TRIB3: variants seen among roughly 807,000 people sequenced by gnomAD.
TRIB3 encodes tribbles homolog 3.
TRIB3 carries 20 observed loss-of-function variants against 16.6 expected under a neutral mutation model. That is an observed-to-expected ratio of 1.20 (90% CI 0.85 to 1.75). The LOEUF (loss-of-function observed/expected upper bound fraction) is 1.75, where lower values mean the gene tolerates loss of function less well. Among genes scored for constraint, TRIB3 ranks in the 40% most tolerant of loss-of-function variants. The pLI is 0.00. For synonymous variants in TRIB3, 208 were observed against 217.0 expected (o/e 0.96, Z 0.36); for missense variants, 484 against 488.9 (o/e 0.99, Z 0.10).
At chr20:385,108 T>TTTTA (rs775274047) in intron 1 of TRIB3, among the ~76,000 whole-genome samples, 260 of 152,204 alleles carry the variant, frequency 1.7e-3, no homozygotes, top group African/African-American at 2.6e-3. Flanking sequence ...CTCACCTTAT[T>TTTTA]TTTATTTATT....
chr20:392,799 C>T (rs1232934571), intron 3 of TRIB3, among the ~76,000 whole-genome samples: 3 of 152,006 alleles, frequency 2.0e-5, no homozygotes, highest in African/African-American at 7.2e-5. Context: ...CTTAGGTGAT[C>T]CGCCTGCCTC....
chr20:386,205 G>A (rs190177645), intron 1 of TRIB3, among the ~76,000 whole-genome samples: 1 of 152,036 alleles, frequency 6.6e-6, no homozygotes, highest in Non-Finnish European at 1.5e-5. Context: ...CAAATTGACT[G>A]GAAGATCCTG....
chr20:394,539 C>A (rs1156260679), intron 3 of TRIB3, among the ~76,000 whole-genome samples: 2 of 152,116 alleles, frequency 1.3e-5, no homozygotes, highest in Non-Finnish European at 2.9e-5. Flanking sequence ...TATCCCAGTG[C>A]TTCGGGAAGC....
At chr20:392,975 C>T (rs972141724) in intron 3 of TRIB3, among the ~76,000 whole-genome samples, 1 of 152,210 alleles carries the variant, frequency 6.6e-6, no homozygotes, top group Non-Finnish European at 1.5e-5. Context: ...GTGCACTAAG[C>T]TGCCAGTTAC....
intron 2 of TRIB3, among the ~76,000 whole-genome samples, chr20:389,477 G>A (rs1334379992): frequency 3.9e-5 from 6 of 152,154 alleles, no homozygotes; most frequent in African/African-American, 1.2e-4. Flanking sequence ...CCTCCTCCTG[G>A]GGCAGCAGCA....
Position 391,554 on chromosome 20 carries a change from C to T in TRIB3, c.559C>T (p.Arg187Cys), listed in dbSNP as rs931185651. The T allele has an allele frequency of 1.9e-6, 3 of 1,611,468 alleles. No individual in the cohort carries two copies. The highest frequency in any genetic ancestry group is 1.7e-6 in the Non-Finnish European group (2 of 1,178,608). The change falls in exon 3 of 4, where the codon CGC becomes TGC. Residue 187 changes from arginine (R) to cysteine (C), a missense_variant. By Grantham distance (180) the Arg-to-Cys change is radical. Transcript: ENST00000217233. ...GGTCCTGCGTGATCTCAAGCTGTGT[C>T]GCTTTGTCTTCGCTGACCGTGAGAG... ...GLVLRDLKLC[R>C]FVFADRERKK... is the part of the protein sequence containing the mutation.
chr20:384,930 A>G (rs1470661831), intron 1 of TRIB3, among the ~76,000 whole-genome samples: 1 of 152,168 alleles, frequency 6.6e-6, no homozygotes, highest in African/African-American at 2.4e-5. Context: ...TGCTGATACA[A>G]GGATACAAGG....
In TRIB3 at chr20:396,366, C is replaced by G; in HGVS notation, c.753C>G (p.Leu251=). The change falls in exon 4 of 4, where the codon CTC becomes CTG. Residue 251 remains leucine (L), a synonymous_variant. Transcript: ENST00000217233. ...AADVWSLGVA[L]FTMLAGHYPF... Reference sequence around the variant, plus strand: ...ATGTCTGGAGCCTGGGCGTGGCGCTCTTCACCATGCTGGCCGGCCACTACC... The same window carrying G: ...ATGTCTGGAGCCTGGGCGTGGCGCTGTTCACCATGCTGGCCGGCCACTACC... 6.2e-7 allele frequency: 1 copy of G among 1,613,612 alleles called. No individual in the cohort carries two copies. Among genetic ancestry groups the G allele is most frequent in the Non-Finnish European group, 8.5e-7 (1 of 1,180,040 alleles).
intron 1 of TRIB3, among the ~76,000 whole-genome samples, chr20:383,867 A>G (rs527290203): frequency 6.1e-4 from 93 of 152,250 alleles, no homozygotes; most frequent in African/African-American, 2.1e-3. Context: ...ACTTTTCATG[A>G]CACTGCCAAG....
At chr20:393,156 TTACCCAA>T (rs879354186) in intron 3 of TRIB3, among the ~76,000 whole-genome samples, 26,871 of 142,870 alleles carry the variant, frequency 0.19, 3,072 homozygotes, top group East Asian at 0.29. Context: ...TATGGTACAA[TTACCCAA>T]ACTATTAACT....
At chr20:389,659 C>G (rs895457562) in intron 2 of TRIB3, among the ~76,000 whole-genome samples, 3 of 152,174 alleles carry the variant, frequency 2.0e-5, no homozygotes, top group African/African-American at 7.2e-5. Context: ...CTCTTTTCCA[C>G]TCCCGCTGGG....
At position 384,301 on chromosome 20, in the gene TRIB3, A is replaced by G. The variant is rs575870843; in HGVS notation, c.-1+3132A>G. On this transcript the variant is annotated intron_variant, in intron 1 of 3. Transcript: ENST00000217233. The stretch of plus-strand genomic sequence containing the variant: ...CAAATCCTATTGTGTGTTAATTAGG[A>G]TTAGGCTCAGCTGTAATATAGAAAC... Among the ~76,000 whole-genome samples, 239 of 152,308 alleles carry G rather than the reference A, an allele frequency of 1.6e-3. 1 individual carries two copies. The highest frequency in any genetic ancestry group is 5.6e-3 in the African/African-American group (232 of 41,568).
chr20:385,870 T>C (rs2014790622), intron 1 of TRIB3: 1 of 145,316 alleles, frequency 6.9e-6, no homozygotes, highest in Non-Finnish European at 1.5e-5. Context: ...ATTTTTTTTT[T>C]TTTTTTTGAG....
In TRIB3 at chr20:396,549, C is replaced by A; in HGVS notation, c.936C>A (p.His312Gln). 1.2e-6 allele frequency: 2 copies of A among 1,613,182 alleles called. No homozygotes were observed. The highest frequency in any genetic ancestry group is 2.2e-5 in the South Asian group (2 of 91,084). ...ERLTATGILL[H>Q]PWLRQDPMPL... The stretch of plus-strand genomic sequence containing the variant: ...TCACAGCCACAGGCATCCTCCTGCA[C>A]CCCTGGCTGCGACAGGACCCGATGC... Residue 312 changes from histidine (H) to glutamine (Q), a missense_variant, in exon 4 of 4, where the codon CAC becomes CAA. By Grantham distance (24) the His-to-Gln change is conservative. Coordinates refer to ENST00000217233, the MANE Select transcript of TRIB3 (RefSeq NM_021158.5).
At chr20:388,832 A>G (rs955774736) in intron 2 of TRIB3, among the ~76,000 whole-genome samples, 1 of 152,168 alleles carries the variant, frequency 6.6e-6, no homozygotes, top group South Asian at 2.1e-4. Context: ...CATGGTAGAC[A>G]TCAAAACTCC....
chr20:387,569 AC>A (rs1242546463), intron 1 of TRIB3, among the ~76,000 whole-genome samples: 4 of 145,920 alleles, frequency 2.7e-5, no homozygotes, highest in African/African-American at 7.5e-5. Context: ...AAAAAAAAAA[AC>A]CCACCATAAA....
chr20:386,770 A>G (rs1260103109), intron 1 of TRIB3, among the ~76,000 whole-genome samples: 3 of 150,854 alleles, frequency 2.0e-5, no homozygotes, highest in African/African-American at 7.3e-5. Context: ...ATGGGGTTTC[A>G]CCATGTTGGC....
Position 396,855 on chromosome 20 carries a change from C to A in TRIB3, c.*165C>A. 2 of 1,067,444 alleles carry A rather than the reference C, an allele frequency of 1.9e-6. No individual in the cohort carries two copies. Among genetic ancestry groups the A allele is most frequent in the Non-Finnish European group, 2.6e-6 (2 of 764,720 alleles). The allele number at this position is 1,067,444 out of a possible 1,614,324, so 66.1% of individuals were successfully genotyped here. A position where few individuals can be genotyped will look rare whatever the true frequency, so the allele number is the denominator to read the frequency against. On this transcript the variant is annotated 3_prime_UTR_variant, in exon 4 of 4. Transcript: ENST00000217233. The stretch of plus-strand genomic sequence containing the variant: ...GTGTACACATCTGCTTTGTTCCACA[C>A]ACATGCAGTTCCTGCTTGGGTGCTT...
At position 388,831 on chromosome 20, in the gene TRIB3, C is replaced by T. The variant is rs1180003101; in HGVS notation, c.291+530C>T. Among the ~76,000 whole-genome samples, 4 of 152,114 alleles carry T rather than the reference C, an allele frequency of 2.6e-5. No homozygotes were observed. In the East Asian group the frequency reaches 7.7e-4, roughly 29 times the overall value. ...CAAGAGAAGGGTAGGGCATGGTAGA[C>T]ATCAAAACTCCTGGGACCTCGGAGG... is the stretch of plus-strand genomic sequence containing the variant. On this transcript the variant is annotated intron_variant, in intron 2 of 3. Transcript: ENST00000217233.
Sources: gnomAD v4.1 joint callset for allele counts (sites outside exome capture counted in the v4.1 genomes callset) on GRCh38, gnomAD v4.1.1 for gene constraint, MANE v1.5 for transcripts, NCBI Gene and HGNC (gene_info 2026-07-23, HGNC 2026-07-21) for gene names.